ARSB: variants seen among roughly 807,000 people sequenced by gnomAD.
The protein encoded by ARSB is arylsulfatase B.
In ARSB, 41 loss-of-function variants were observed where a neutral mutation model predicts 50.9. The observed-to-expected ratio is 0.81, with a 90% CI of 0.63 to 1.04. ARSB has a LOEUF of 1.04. ARSB is among the 50% of genes least tolerant of loss of function. The pLI is 0.00. For missense variants in ARSB, 672 were observed against 693.3 expected (o/e 0.97, Z 0.35); for synonymous variants, 269 against 284.8 (o/e 0.94, Z 0.56).
chr5:78,865,118 G>T (rs553567991), intron 5 of ARSB, among the ~76,000 whole-genome samples: 1 of 56,374 alleles, frequency 1.8e-5, no homozygotes, highest in Non-Finnish European at 3.9e-5. Flanking sequence ...CTAGGACTCC[G>T]TATAGGGGTT....
chr5:78,778,489 C>T lies in ARSB; in HGVS notation c.*1908G>A, dbSNP rs1371999441. On this transcript the variant is annotated 3_prime_UTR_variant, in exon 8 of 8. Transcript: ENST00000264914. ...AATGGAAATTGCTGACAAGAGAGTA[C>T]CTTTGGTAGGCACAGTTCCTTTTCT... 6.6e-6 allele frequency: 1 copy of T among 152,116 alleles called. No individual in the cohort carries two copies. The highest frequency in any genetic ancestry group is 6.5e-5 in the Admixed American group (1 of 15,274). The allele number at this position is 152,116 out of a possible 1,614,324, so 9.4% of individuals were successfully genotyped here.
Position 78,879,402 on chromosome 5 carries a change from G to A in ARSB, c.1142+6182C>T, listed in dbSNP as rs146491127. ...CAAAGAAAAACTGAAGCAGTCGAAGGAGCTCCTATTGTAAATAATGTCACC... is the reference window on the plus strand; with the variant it reads ...CAAAGAAAAACTGAAGCAGTCGAAGAAGCTCCTATTGTAAATAATGTCACC... On this transcript the variant is annotated intron_variant, in intron 5 of 7. Coordinates refer to ENST00000264914, the MANE Select transcript of ARSB (RefSeq NM_000046.5). 1.1e-3 allele frequency among the ~76,000 whole-genome samples: 173 copies of A among 152,274 alleles called. 1 individual carries two copies. The highest frequency in any genetic ancestry group is 4.1e-3 in the African/African-American group (170 of 41,554).
rs1450420577 is a variant in ARSB at position 78,982,095 on chromosome 5, T to C, written c.312+2842A>G. On this transcript the variant is annotated intron_variant, in intron 1 of 7. Coordinates refer to ENST00000264914, the MANE Select transcript of ARSB (RefSeq NM_000046.5). ...CCCGCCACCGCGCCCAGCTAATTTT[T>C]TGTATTTTTAGTAGAGACGGGGTTT... is the stretch of plus-strand genomic sequence containing the variant. 4.6e-5 allele frequency among the ~76,000 whole-genome samples: 4 copies of C among 86,922 alleles called. 1 individual carries two copies. The highest frequency in any genetic ancestry group is 9.5e-3 in the Middle Eastern group (2 of 210). The allele number at this position is 86,922 out of a possible 152,430, so 57.0% of individuals were successfully genotyped here.
chr5:78,966,914 T>G (rs1481325063), intron 2 of ARSB, among the ~76,000 whole-genome samples: 1 of 121,628 alleles, frequency 8.2e-6, no homozygotes, highest in African/African-American at 3.2e-5. Flanking sequence ...TGAGAATACA[T>G]CCGGGTCCAT....
chr5:78,781,913 A>G lies in ARSB; in HGVS notation c.1275T>C (p.Phe425=). ...DDSSLPEYSA[F]NTSVHAAIRH... ...TAATTGCAGCATGGACAGATGTGTT[A>G]AAGGCTGAATATTCTGGAAGAGAAG... is the stretch of plus-strand genomic sequence containing the variant. The change falls in exon 7 of 8, where the codon TTT becomes TTC. Residue 425 remains phenylalanine, a synonymous_variant. Transcript: ENST00000264914. 1 of 1,614,154 alleles carries G rather than the reference A, an allele frequency of 6.2e-7. No homozygotes were observed. Among genetic ancestry groups the G allele is most frequent in the Non-Finnish European group, 8.5e-7 (1 of 1,179,990 alleles).
At chr5:78,881,792 C>G (rs1280211428) in intron 5 of ARSB, among the ~76,000 whole-genome samples, 1 of 152,202 alleles carries the variant, frequency 6.6e-6, no homozygotes, top group Non-Finnish European at 1.5e-5. Context: ...CATGTAGGGG[C>G]CACCCTTGGC....
In ARSB at chr5:78,885,574, G is replaced by A. The variant is rs750977557; in HGVS notation, c.1142+10C>T. The A allele has an allele frequency of 3.1e-6, 5 of 1,612,830 alleles. No homozygotes were observed. In the South Asian group the frequency reaches 4.4e-5, roughly 14 times the overall value. On this transcript the variant is annotated intron_variant, in intron 5 of 7. Coordinates refer to ENST00000264914, the MANE Select transcript of ARSB (RefSeq NM_000046.5). Reference sequence around the variant, plus strand: ...CTGTCCTGGGAGGAAAAAGGGCAGGGTGTAGGTACCTGATGGTTTTCCACA... The same window carrying A: ...CTGTCCTGGGAGGAAAAAGGGCAGGATGTAGGTACCTGATGGTTTTCCACA...
intron 4 of ARSB, among the ~76,000 whole-genome samples, chr5:78,900,132 G>A (rs1449649743): frequency 6.6e-6 from 1 of 152,052 alleles, no homozygotes; most frequent in African/African-American, 2.4e-5. Context: ...TCCTAGGCAG[G>A]AACCCCTAGT....
rs561507317 is a variant in ARSB at position 78,850,927 on chromosome 5, G to C, written c.1143-11501C>G. ...GATATCCCCTTTATCATTTTTTATT[G>C]CGTCTATTTGATTCTTCTCTCTTTT... On this transcript the variant is annotated intron_variant, in intron 5 of 7. Coordinates refer to ENST00000264914, the MANE Select transcript of ARSB (RefSeq NM_000046.5). Among the ~76,000 whole-genome samples the C allele has an allele frequency of 7.8e-4, 118 of 152,138 alleles. 2 individuals carry two copies. The South Asian group carries it at 0.024, about 31-fold the overall frequency.
intron 5 of ARSB, among the ~76,000 whole-genome samples, chr5:78,875,125 A>G (rs753167384): frequency 6.6e-6 from 1 of 152,160 alleles, no homozygotes; most frequent in African/African-American, 2.4e-5. Flanking sequence ...TTAAAAAACA[A>G]TAATAATAAT....
chr5:78,830,883 C>T (rs769842165), intron 6 of ARSB, among the ~76,000 whole-genome samples: 1 of 152,144 alleles, frequency 6.6e-6, no homozygotes, highest in Non-Finnish European at 1.5e-5. Context: ...ACTGCTCTGA[C>T]CTAGTACAGG....
intron 6 of ARSB, among the ~76,000 whole-genome samples, chr5:78,787,091 CATCTATCT>C (rs143701672): frequency 0.013 from 1,631 of 128,034 alleles, 26 homozygotes; most frequent in African/African-American, 0.038. Context: ...AATCGATAAC[CATCTATCT>C]ATCTATCTAT....
At chr5:78,872,332 C>T (rs1011298863) in intron 5 of ARSB, among the ~76,000 whole-genome samples, 3 of 150,728 alleles carry the variant, frequency 2.0e-5, no homozygotes, top group African/African-American at 7.3e-5. Flanking sequence ...ACCCAAATGA[C>T]TATAAATCAT....
chr5:78,780,323 A>AC lies in ARSB; in HGVS notation c.*73_*74insG. ...CAAGTGAACCCAGGTTGGGATAACA[A>AC]ATGAGACAAGAGTCGTGAGAAAAGG... On this transcript the variant is annotated 3_prime_UTR_variant, in exon 8 of 8. Coordinates refer to ENST00000264914, the MANE Select transcript of ARSB (RefSeq NM_000046.5). 2 of 1,605,652 alleles carry AC rather than the reference A, an allele frequency of 1.2e-6. No individual in the cohort carries two copies. The highest frequency in any genetic ancestry group is 1.7e-6 in the Non-Finnish European group (2 of 1,175,396).
intron 5 of ARSB, among the ~76,000 whole-genome samples, chr5:78,852,630 T>C (rs372955104): frequency 0.053 from 8,100 of 152,248 alleles, 492 homozygotes; most frequent in African/African-American, 0.15. Flanking sequence ...GAAGTTCTCC[T>C]GGATAATATC....
chr5:78,899,733 A>C (rs1748717896), intron 4 of ARSB, among the ~76,000 whole-genome samples: 1 of 152,144 alleles, frequency 6.6e-6, no homozygotes, highest in Non-Finnish European at 1.5e-5. Context: ...TTTCTGTATT[A>C]TCTTGGAGAT....
At chr5:78,936,481 G>GA (rs34898219) in intron 4 of ARSB, among the ~76,000 whole-genome samples, 31 of 139,096 alleles carry the variant, frequency 2.2e-4, no homozygotes, top group Middle Eastern at 3.7e-3. Context: ...CAACTCCTAA[G>GA]AAAAAAAAAA....
intron 5 of ARSB, among the ~76,000 whole-genome samples, chr5:78,864,755 AG>A (rs1746625475): frequency 6.6e-6 from 1 of 152,254 alleles, no homozygotes. Flanking sequence ...CCTAAATACA[AG>A]GGGGATACAG....
intron 5 of ARSB, among the ~76,000 whole-genome samples, chr5:78,860,190 G>A (rs1488508395): frequency 6.6e-6 from 1 of 152,108 alleles, no homozygotes; most frequent in African/African-American, 2.4e-5. Context: ...TTAACTTTCT[G>A]TCTCGTTGAT....
Sources: allele counts gnomAD v4.1 joint callset (sites outside exome capture counted in the v4.1 genomes callset), GRCh38; gene constraint gnomAD v4.1.1; transcripts MANE v1.5; gene names NCBI Gene and HGNC (gene_info 2026-07-23, HGNC 2026-07-21).